MAD1L1: variants seen among roughly 807,000 people sequenced by gnomAD.
The protein encoded by MAD1L1 is mitotic arrest deficient 1 like 1, also known as mitotic spindle assembly checkpoint protein MAD1.
MAD1L1 carries 95 observed loss-of-function variants against 96.9 expected under a neutral mutation model. The ratio of observed to expected loss-of-function variants is 0.98; its 90% CI spans 0.83 to 1.16. MAD1L1 has a LOEUF of 1.16. Among genes scored for constraint, MAD1L1 ranks in the 50% most tolerant of loss-of-function variants. The probability of loss-of-function intolerance (pLI) is 0.00; values close to 1 mark genes in which losing one functional copy is unlikely to be tolerated. For missense variants in MAD1L1, 1,007 were observed against 954.4 expected (o/e 1.06, Z -0.73); for synonymous variants, 473 against 396.6 (o/e 1.19, Z -2.29).
chr7:2,222,664 G>A lies in MAD1L1; in HGVS notation c.382C>T (p.Leu128=). 1.2e-6 allele frequency: 2 copies of A among 1,613,130 alleles called. No individual in the cohort carries two copies. The highest frequency in any genetic ancestry group is 1.7e-6 in the Non-Finnish European group (2 of 1,179,902). ...TGCTGACACTGCCTGTTGCGCTCCA[G>A]CTGCTCCTGCATCTTCTCCTCCGCC... ...AGAEEKMQEQ[L]ERNRQCQQNL... Residue 128 remains leucine, a synonymous_variant, in exon 5 of 19, where the codon CTG becomes TTG. Transcript: ENST00000265854.
Position 2,216,305 on chromosome 7 carries a change from C to G in MAD1L1, c.679-18G>C. ...TCCAGATCCTGATGGAGGCCAGGGA[C>G]AGAGAAGAAGGGAAAAATGAGCCAC... On this transcript the variant is annotated intron_variant, in intron 7 of 18. Coordinates refer to ENST00000265854, the MANE Select transcript of MAD1L1 (RefSeq NM_001013836.2). 6.2e-7 allele frequency: 1 copy of G among 1,609,124 alleles called. No individual in the cohort carries two copies. The highest frequency in any genetic ancestry group is 2.2e-5 in the East Asian group (1 of 44,870).
intron 10 of MAD1L1, among the ~76,000 whole-genome samples, chr7:2,183,316 G>A (rs1791294602): frequency 6.6e-6 from 1 of 151,988 alleles, no homozygotes; most frequent in African/African-American, 2.4e-5. Flanking sequence ...GGGCAAAAAT[G>A]TTGACAAGAC....
intron 15 of MAD1L1, among the ~76,000 whole-genome samples, chr7:1,963,095 C>T (rs928663940): frequency 1.3e-5 from 2 of 152,194 alleles, no homozygotes; most frequent in Admixed American, 6.5e-5. Context: ...CCACACTAGG[C>T]GTTTACCTGA....
chr7:2,097,575 C>T (rs150437279), intron 11 of MAD1L1, among the ~76,000 whole-genome samples: 42 of 152,328 alleles, frequency 2.8e-4, no homozygotes, highest in African/African-American at 1.0e-3. Flanking sequence ...AAGTGCTTCT[C>T]ACACCTAGAG....
chr7:1,937,018 G>A, intron 16 of MAD1L1, 121 bp from the exon 17 acceptor site: 2 of 764,158 alleles, frequency 2.6e-6, no homozygotes, highest in South Asian at 1.8e-5. Context: ...ACAGCACAGT[G>A]CTCAGTTCTT....
At position 2,048,311 on chromosome 7, in the gene MAD1L1, C is replaced by A. The variant is rs756119227; in HGVS notation, c.1218+20883G>T. On this transcript the variant is annotated intron_variant, in intron 12 of 18. Transcript: ENST00000265854. ...ACCTGGGCTGCGAATCCTGCCTGTT[C>A]ACCCAGGCAAGTTCCTTCATCTCAT... is the stretch of plus-strand genomic sequence containing the variant. Among the ~76,000 whole-genome samples, 6 of 152,342 alleles carry A rather than the reference C, an allele frequency of 3.9e-5. No individual in the cohort carries two copies. In the South Asian group the frequency reaches 1.2e-3, roughly 32 times the overall value.
At chr7:1,842,419 G>A (rs907113881) in intron 18 of MAD1L1, among the ~76,000 whole-genome samples, 4 of 152,248 alleles carry the variant, frequency 2.6e-5, no homozygotes, top group Non-Finnish European at 4.4e-5. Flanking sequence ...AGCCGGGCTT[G>A]GCCCTGCACT....
intron 15 of MAD1L1, among the ~76,000 whole-genome samples, chr7:1,964,696 C>T (rs947687915): frequency 6.6e-6 from 1 of 152,206 alleles, no homozygotes; most frequent in South Asian, 2.1e-4. Context: ...GAAGATGACG[C>T]CAATCAAAGC....
At chr7:1,954,737 C>T (rs933962207) in intron 16 of MAD1L1, among the ~76,000 whole-genome samples, 11 of 152,224 alleles carry the variant, frequency 7.2e-5, no homozygotes, top group Non-Finnish European at 4.4e-5. Context: ...CCTTCACACG[C>T]AGGCTCCCTG....
chr7:1,871,848 G>C (rs1785127698), intron 18 of MAD1L1, among the ~76,000 whole-genome samples: 1 of 152,216 alleles, frequency 6.6e-6, no homozygotes, highest in South Asian at 2.1e-4. Context: ...AGCCCCAGAG[G>C]AGATGTGGAG....
intron 18 of MAD1L1, among the ~76,000 whole-genome samples, chr7:1,828,314 C>A (rs1200253749): frequency 1.3e-5 from 2 of 152,172 alleles, no homozygotes; most frequent in African/African-American, 4.8e-5. Context: ...CAGGGCCTCG[C>A]GGGACCCGAG....
At chr7:1,830,188 G>C (rs1782635829) in intron 18 of MAD1L1, among the ~76,000 whole-genome samples, 2 of 152,226 alleles carry the variant, frequency 1.3e-5, no homozygotes, top group South Asian at 4.1e-4. Context: ...CCTGAGGTCA[G>C]GAGTTCAAGA....
At chr7:2,110,220 G>C (rs750198858) in intron 11 of MAD1L1, among the ~76,000 whole-genome samples, 4 of 152,206 alleles carry the variant, frequency 2.6e-5, no homozygotes, top group African/African-American at 4.8e-5. Flanking sequence ...CAATGACACA[G>C]ATGTCCAGAT....
At chr7:2,066,260 C>T (rs1327563149) in intron 12 of MAD1L1, among the ~76,000 whole-genome samples, 2 of 152,340 alleles carry the variant, frequency 1.3e-5, no homozygotes, top group Admixed American at 6.5e-5. Flanking sequence ...CGCTCCTCGA[C>T]CACCCCAGCT....
At chr7:1,954,024 T>C (rs534681801) in intron 16 of MAD1L1, among the ~76,000 whole-genome samples, 218 of 152,128 alleles carry the variant, frequency 1.4e-3, no homozygotes, top group Non-Finnish European at 2.6e-3. Context: ...CTAGCCTCAC[T>C]GTGTGTCCTG....
chr7:1,997,535 C>T (rs1781610552), intron 14 of MAD1L1, among the ~76,000 whole-genome samples: 1 of 152,286 alleles, frequency 6.6e-6, no homozygotes, highest in African/African-American at 2.4e-5. Context: ...CGAGCTCCCG[C>T]TCAGGTTCCT....
At chr7:1,824,465 T>C (rs1038976458) in intron 18 of MAD1L1, among the ~76,000 whole-genome samples, 3 of 152,178 alleles carry the variant, frequency 2.0e-5, no homozygotes, top group African/African-American at 7.2e-5. Flanking sequence ...GGAAACCCTG[T>C]GCCCACGTTA....
At position 2,088,860 on chromosome 7, in the gene MAD1L1, C is replaced by A. The variant is rs1786062953; in HGVS notation, c.1074-19522G>T. 6.6e-6 allele frequency: 1 copy of A among 152,338 alleles called. No individual in the cohort carries two copies. Among genetic ancestry groups the A allele is most frequent in the Non-Finnish European group, 1.5e-5 (1 of 68,130 alleles). 9.4% of individuals were successfully genotyped at this position (152,338 alleles called of 1,614,324 possible). A position where few individuals can be genotyped will look rare whatever the true frequency, so the allele number is the denominator to read the frequency against. On this transcript the variant is annotated intron_variant, in intron 11 of 18. Coordinates refer to ENST00000265854, the MANE Select transcript of MAD1L1 (RefSeq NM_001013836.2). The surrounding 1 kb of genome is among the most constrained non-coding windows in gnomAD (Gnocchi z 4.4). Reference sequence around the variant, plus strand: ...AGGTTCACACAGGGCTGGTGCTCACCCTCTGCCACCGACCCGCACGCCTCC... The same window carrying A: ...AGGTTCACACAGGGCTGGTGCTCACACTCTGCCACCGACCCGCACGCCTCC...
At chr7:2,232,141 G>A (rs1794223933) in intron 1 of MAD1L1, among the ~76,000 whole-genome samples, 1 of 152,236 alleles carries the variant, frequency 6.6e-6, no homozygotes, top group African/African-American at 2.4e-5. Context: ...GCTCATGGCA[G>A]GCCGGCCCAC....
Sources: gnomAD v4.1 joint callset for allele counts (sites outside exome capture counted in the v4.1 genomes callset) on GRCh38, gnomAD v4.1.1 for gene constraint, Gnocchi (gnomAD v3.1) non-coding constraint, MANE v1.5 for transcripts, NCBI Gene and HGNC (gene_info 2026-07-23, HGNC 2026-07-21) for gene names.